Variants in ARHGEF18 observed in about 807,000 individuals in gnomAD.
The protein encoded by ARHGEF18 is Rho/Rac guanine nucleotide exchange factor 18, also known as rho guanine nucleotide exchange factor 18.
In ARHGEF18, 93 loss-of-function variants were observed where a neutral mutation model predicts 155.7. That is an observed-to-expected ratio of 0.60 (90% CI 0.50 to 0.71). ARHGEF18 has a LOEUF of 0.71. Among genes scored for constraint, ARHGEF18 ranks in the 30% least tolerant of loss-of-function variants. The probability of loss-of-function intolerance (pLI) is 0.00; values close to 1 mark genes in which losing one functional copy is unlikely to be tolerated. For missense variants in ARHGEF18, 1,593 were observed against 1,816.1 expected, an observed-to-expected ratio of 0.88 and a Z score of 2.23; for synonymous variants, 742 against 753.1, an observed-to-expected ratio of 0.99 and a Z score of 0.24.
chr19:7,375,680 A>G, intron 3 of ARHGEF18, 40 bp from the exon 4 acceptor site: 2 of 1,233,778 alleles, frequency 1.6e-6, no homozygotes, highest in Non-Finnish European at 2.0e-6. Context: ...CCAGGTGGGC[A>G]AGACCTGCTG....
intron 1 of ARHGEF18, among the ~76,000 whole-genome samples, chr19:7,362,026 A>AAGG (rs1397888966): frequency 1.7e-5 from 1 of 60,310 alleles, no homozygotes; most frequent in African/African-American, 1.3e-4. Flanking sequence ...GGAGAAGGAG[A>AAGG]AGGAGAAGGA....
chr19:7,429,106 G>A (rs540839175), intron 10 of ARHGEF18, among the ~76,000 whole-genome samples: 32 of 132,048 alleles, frequency 2.4e-4, no homozygotes, highest in African/African-American at 9.4e-4. Context: ...GCCTTGAGTC[G>A]AGGGGCCGGG....
At chr19:7,393,047 CAAAAAAAAAAAAAA>C (rs60015151) in intron 10 of ARHGEF18, among the ~76,000 whole-genome samples, 3 of 56,684 alleles carry the variant, frequency 5.3e-5, no homozygotes, top group Admixed American at 2.5e-4. Context: ...GATCCTGTCT[CAAAAAAAAAAAAAA>C]AAAAAAAAAA....
intron 26 of ARHGEF18, 48 bp downstream of exon 26, chr19:7,467,732 C>T: frequency 7.1e-7 from 1 of 1,414,500 alleles, no homozygotes. Flanking sequence ...GACCGGTTTG[C>T]ACGTGCATTT....
At chr19:7,457,610 G>T (rs984974365) in intron 18 of ARHGEF18, among the ~76,000 whole-genome samples, 1 of 151,956 alleles carries the variant, frequency 6.6e-6, no homozygotes, top group African/African-American at 2.4e-5. Context: ...TGATCTGCCT[G>T]CCTCAGCCTC....
At chr19:7,430,658 A>C (rs1037101430) in intron 10 of ARHGEF18, among the ~76,000 whole-genome samples, 8 of 151,978 alleles carry the variant, frequency 5.3e-5, no homozygotes, top group African/African-American at 1.9e-4. Context: ...CTAAAAAATT[A>C]GCTGGGCATG....
At chr19:7,477,917 G>A in the ARHGEF18 span, among the ~76,000 whole-genome samples, 32 of 152,350 alleles carry the variant, frequency 2.1e-4, no homozygotes, top group African/African-American at 7.7e-4. Context: ...AGCTACTCGG[G>A]AAGCTGAAAC....
At chr19:7,373,154 G>C (rs2145404033) in intron 3 of ARHGEF18, 83 bp downstream of exon 3, 2 of 1,231,112 alleles carry the variant, frequency 1.6e-6, no homozygotes, top group South Asian at 8.4e-5. Context: ...CAGGTCCTAA[G>C]ACAAGCCACC....
rs1976958336 is a variant in ARHGEF18, at chr19:7,470,449, C to T, written c.*151C>T. ...GACCGCCTGGCAGGGGCCAGCCTGT[C>T]GGTGCTCTGGGCCTTGCAGCTGTTT... On this transcript the variant is annotated 3_prime_UTR_variant, in exon 29 of 29. Transcript: ENST00000668164. This position sits in a 1 kb window ranked among gnomAD's most constrained non-coding sequence, Gnocchi z 5.9. The T allele has an allele frequency of 8.5e-6, 6 of 702,664 alleles. No homozygotes were observed. The highest frequency in any genetic ancestry group is 6.0e-5 in the South Asian group (1 of 16,620). 43.5% of individuals were successfully genotyped at this position (702,664 alleles called of 1,614,324 possible).
At chr19:7,359,150 TGAG>T (rs1467913901) in intron 1 of ARHGEF18, among the ~76,000 whole-genome samples, 2 of 151,988 alleles carry the variant, frequency 1.3e-5, no homozygotes, top group Non-Finnish European at 2.9e-5. Context: ...GAGGACAGGC[TGAG>T]GAGGGCTCTG....
intron 1 of ARHGEF18, among the ~76,000 whole-genome samples, chr19:7,361,524 C>T (rs1969548256): frequency 6.6e-6 from 1 of 152,134 alleles, no homozygotes; most frequent in Non-Finnish European, 1.5e-5. Context: ...AGGTAACGAC[C>T]CAAGACAATG....
chr19:7,354,560 T>A (rs1969236519), intron 1 of ARHGEF18, among the ~76,000 whole-genome samples: 1 of 152,076 alleles, frequency 6.6e-6, no homozygotes, highest in Admixed American at 6.6e-5. Flanking sequence ...GGGCAGCACC[T>A]GCACGGATGA....
chr19:7,453,706 C>G lies in ARHGEF18; in HGVS notation c.2095C>G (p.Arg699Gly). 6.4e-7 allele frequency: 1 copy of G among 1,563,574 alleles called. No individual in the cohort carries two copies. Residue 699 changes from arginine to glycine, a missense_variant, in exon 17 of 29, where the codon CGC (arginine) becomes GGC (glycine). By Grantham distance (125) the Arg-to-Gly change is moderately radical. Transcript: ENST00000668164. ...GMLCWKTTSGRLKDILAILLT... is the reference protein window; with the variant it reads ...GMLCWKTTSGGLKDILAILLT... ...GCTATGCTGGAAGACCACATCAGGG[C>G]GCTTGAAAGGTAAAGGCCTGCCCCT...
intron 2 of ARHGEF18, among the ~76,000 whole-genome samples, chr19:7,369,071 C>T (rs112855271): frequency 0.029 from 4,433 of 152,142 alleles, 104 homozygotes; most frequent in South Asian, 0.081. Flanking sequence ...GGCTCATGCC[C>T]GTAATCCCAG....
intron 1 of ARHGEF18, among the ~76,000 whole-genome samples, chr19:7,354,288 G>A (rs78263735): frequency 0.02 from 3,001 of 152,290 alleles, 83 homozygotes; most frequent in African/African-American, 0.067. Flanking sequence ...ACTCCAGCCT[G>A]GGTAACAGAG....
At chr19:7,473,534 G>A (rs765930433), downstream of ARHGEF18, among the ~76,000 whole-genome samples, 27 of 152,156 alleles carry the variant, frequency 1.8e-4, no homozygotes, top group African/African-American at 4.1e-4. Context: ...CAGGTTGGCC[G>A]GGCGCAGTGG....
At position 7,382,894 on chromosome 19, in the gene ARHGEF18, G is replaced by A. The variant is rs948754001; in HGVS notation, c.825G>A (p.Lys275=). 4.9e-6 allele frequency: 6 copies of A among 1,232,362 alleles called. No homozygotes were observed. In the South Asian group the frequency reaches 2.5e-4, roughly 51 times the overall value. The allele number at this position is 1,232,362 out of a possible 1,614,324, so 76.3% of individuals were successfully genotyped here. The change falls in exon 9 of 29, where the codon AAG becomes AAA. Residue 275 remains lysine, a splice_region_variant and synonymous_variant. Transcript: ENST00000668164. ...LRSRVTRQKE[K]GKSPAHLKDK... is the part of the protein sequence containing the mutation. ...GTCGAGTGACCAGGCAGAAGGAGAA[G>A]GTAAGGGGAGCTAAGCCACGGGGGC...
chr19:7,374,505 CCCT>C (rs1360296217), intron 3 of ARHGEF18, among the ~76,000 whole-genome samples: 1 of 151,786 alleles, frequency 6.6e-6, no homozygotes, highest in African/African-American at 2.4e-5. Flanking sequence ...TGGCAAAACC[CCCT>C]GTCTACTAAA....
intron 10 of ARHGEF18, among the ~76,000 whole-genome samples, chr19:7,428,799 G>GC (rs1372810237): frequency 6.6e-6 from 1 of 152,142 alleles, no homozygotes; most frequent in African/African-American, 2.4e-5. Flanking sequence ...TCCTAACTGT[G>GC]CTCCCCGCCC....
Sources: allele counts gnomAD v4.1 joint callset (sites outside exome capture counted in the v4.1 genomes callset), GRCh38; gene constraint gnomAD v4.1.1; non-coding constraint Gnocchi (gnomAD v3.1); transcripts MANE v1.5; gene names NCBI Gene and HGNC (gene_info 2026-07-23, HGNC 2026-07-21).